The following CPNE8 variants were observed in gnomAD, a reference collection of about 807,000 sequenced individuals.
CPNE8 encodes the protein copine 8, also known as copine-8.
A neutral mutation model predicts 81.5 loss-of-function variants in CPNE8; 45 were observed. That is an observed-to-expected ratio of 0.55 (90% CI 0.44 to 0.71). The LOEUF (loss-of-function observed/expected upper bound fraction) is 0.71, where lower values mean the gene tolerates loss of function less well. CPNE8 is among the 30% of genes least tolerant of loss of function. The pLI is 0.00. For missense variants in CPNE8, 594 were observed against 672.1 expected, an observed-to-expected ratio of 0.88 and a Z score of 1.28; for synonymous variants, 252 against 226.3, an observed-to-expected ratio of 1.11 and a Z score of -1.02.
At chr12:38,872,396 C>A (rs1013127102) in intron 3 of CPNE8, among the ~76,000 whole-genome samples, 2 of 152,156 alleles carry the variant, frequency 1.3e-5, no homozygotes, top group Non-Finnish European at 2.9e-5. Context: ...TAAAACAATG[C>A]ACTAACTTCC....
chr12:38,799,978 G>T (rs1239400483), intron 6 of CPNE8, among the ~76,000 whole-genome samples: 1 of 147,914 alleles, frequency 6.8e-6, no homozygotes, highest in Non-Finnish European at 1.5e-5. Flanking sequence ...CCACGAGACT[G>T]TATCCCACAC....
intron 6 of CPNE8, among the ~76,000 whole-genome samples, chr12:38,825,759 C>T (rs112362978): frequency 0.022 from 3,342 of 152,286 alleles, 95 homozygotes; most frequent in South Asian, 0.14. Flanking sequence ...CTATGTAAGA[C>T]GAAGGGTGAC....
intron 13 of CPNE8, among the ~76,000 whole-genome samples, chr12:38,717,427 GTGTATATATATATATATATA>G (rs1484430439): frequency 1.4e-5 from 1 of 69,710 alleles, no homozygotes; most frequent in African/African-American, 5.7e-5. Context: ...AGAAAGTGTG[GTGTATATATATATATATATA>G]TATATATATA....
chr12:38,892,159 A>G (rs1944322344), intron 1 of CPNE8, among the ~76,000 whole-genome samples: 2 of 152,186 alleles, frequency 1.3e-5, no homozygotes, highest in African/African-American at 4.8e-5. Context: ...AAGTGTCAAC[A>G]AGGGTGGAGA....
At chr12:38,693,236 C>A (rs144313329) in intron 15 of CPNE8, among the ~76,000 whole-genome samples, 1 of 152,184 alleles carries the variant, frequency 6.6e-6, no homozygotes, top group Non-Finnish European at 1.5e-5. Context: ...CCCCAGTCAC[C>A]AATTCCAGGC....
chr12:38,888,691 G>A (rs1015191686), intron 1 of CPNE8, among the ~76,000 whole-genome samples: 6 of 152,008 alleles, frequency 3.9e-5, no homozygotes, highest in Admixed American at 2.0e-4. Context: ...CTCTCATCTC[G>A]GCCCCAAAAC....
At chr12:38,791,623 T>C (rs946142452) in intron 6 of CPNE8, among the ~76,000 whole-genome samples, 5 of 151,482 alleles carry the variant, frequency 3.3e-5, no homozygotes, top group African/African-American at 4.8e-5. Context: ...CAAAAGATAA[T>C]AAAACAGAAA....
Position 38,776,295 on chromosome 12 carries a change from A to T in CPNE8, c.414T>A (p.Ile138=), listed in dbSNP as rs762531591. The T allele has an allele frequency of 6.6e-7, 1 of 1,511,826 alleles. No homozygotes were observed. The highest frequency in any genetic ancestry group is 1.3e-5 in the South Asian group (1 of 75,526). The allele number at this position is 1,511,826 out of a possible 1,614,324, so 93.7% of individuals were successfully genotyped here. The change falls in exon 7 of 20, where the codon ATT becomes ATA. Residue 138 remains isoleucine (I), a synonymous_variant. Coordinates refer to ENST00000331366, the MANE Select transcript of CPNE8 (RefSeq NM_153634.3). ...TGATTGTACCACATTTCTTCCCTGG[A>T]ATTCCTCTAAAACAACAAAAATATA... is the stretch of plus-strand genomic sequence containing the variant. ...GSRLEKPIVG[I]PGKKCGTIIL... is the part of the protein sequence containing the mutation.
At chr12:38,677,673 G>A (rs1310022338) in intron 16 of CPNE8, 119 bp from the exon 17 acceptor site, 3 of 654,936 alleles carry the variant, frequency 4.6e-6, no homozygotes, top group Non-Finnish European at 8.2e-6. Flanking sequence ...GAACATGTTA[G>A]AGGTATATCT....
chr12:38,771,244 T>C (rs1941793991), intron 7 of CPNE8, among the ~76,000 whole-genome samples: 1 of 151,432 alleles, frequency 6.6e-6, no homozygotes, highest in Non-Finnish European at 1.5e-5. Context: ...TTGGATCACT[T>C]GAGTCTGGGA....
intron 10 of CPNE8, among the ~76,000 whole-genome samples, chr12:38,756,993 A>G (rs1941476231): frequency 6.6e-6 from 1 of 152,204 alleles, no homozygotes; most frequent in Non-Finnish European, 1.5e-5. Flanking sequence ...ATGGGATTAA[A>G]TAAAATATAT....
At chr12:38,855,042 G>A (rs1943708124) in intron 3 of CPNE8, among the ~76,000 whole-genome samples, 1 of 152,032 alleles carries the variant, frequency 6.6e-6, no homozygotes, top group African/African-American at 2.4e-5. Context: ...GATAAAGTCA[G>A]TAAAGTTACA....
chr12:38,791,248 G>T (rs1942315377), intron 6 of CPNE8, among the ~76,000 whole-genome samples: 1 of 151,508 alleles, frequency 6.6e-6, no homozygotes, highest in Non-Finnish European at 1.5e-5. Flanking sequence ...ACTTTACCTA[G>T]AATATTTACC....
At chr12:38,780,325 T>C (rs1942023967) in intron 6 of CPNE8, among the ~76,000 whole-genome samples, 1 of 152,094 alleles carries the variant, frequency 6.6e-6, no homozygotes, top group South Asian at 2.1e-4. Flanking sequence ...ATGGGAACTA[T>C]TATGAAGAGG....
Position 38,759,894 on chromosome 12 carries a change from C to A in CPNE8, c.722+953G>T, listed in dbSNP as rs372121360. Among the ~76,000 whole-genome samples the A allele has an allele frequency of 4.6e-5, 7 of 152,316 alleles. No individual in the cohort carries two copies. In the South Asian group the frequency reaches 8.3e-4, roughly 18 times the overall value. ...AGAAGGGAAGAGAAGAGGGTGCCCC[C>A]TCAGCACAGGCCAGCCTTCTTGAAC... On this transcript the variant is annotated intron_variant, in intron 10 of 19. Coordinates refer to ENST00000331366, the MANE Select transcript of CPNE8 (RefSeq NM_153634.3).
intron 13 of CPNE8, among the ~76,000 whole-genome samples, chr12:38,706,378 A>G (rs1940106183): frequency 6.6e-6 from 1 of 152,068 alleles, no homozygotes; most frequent in South Asian, 2.1e-4. Flanking sequence ...TGATAAAGGA[A>G]GTTTTGGTTT....
At chr12:38,752,380 AATT>A (rs1490762810) in intron 10 of CPNE8, among the ~76,000 whole-genome samples, 1 of 152,180 alleles carries the variant, frequency 6.6e-6, no homozygotes, top group Non-Finnish European at 1.5e-5. Context: ...TCCCACTGAT[AATT>A]AGTCACTGCT....
At chr12:38,724,654 T>G (rs1033302822) in intron 12 of CPNE8, among the ~76,000 whole-genome samples, 192 bp downstream of exon 12, 2 of 152,102 alleles carry the variant, frequency 1.3e-5, no homozygotes, top group East Asian at 1.9e-4. Context: ...GTCACTACCT[T>G]CTATAAGGTA....
chr12:38,803,622 G>A (rs1461885338), intron 6 of CPNE8, among the ~76,000 whole-genome samples: 145 of 143,732 alleles, frequency 1.0e-3, no homozygotes, highest in African/African-American at 1.5e-3. Flanking sequence ...CTCTCTCACC[G>A]CTCCTATTCA....
Sources: gnomAD v4.1 joint callset for allele counts (sites outside exome capture counted in the v4.1 genomes callset) on GRCh38, gnomAD v4.1.1 for gene constraint, MANE v1.5 for transcripts, NCBI Gene and HGNC (gene_info 2026-07-23, HGNC 2026-07-21) for gene names.